ANXA8: variants seen among roughly 807,000 people sequenced by gnomAD.
ANXA8 encodes the protein VAC-beta.
In ANXA8, 9 loss-of-function variants were observed where a neutral mutation model predicts 26.8. The ratio of observed to expected loss-of-function variants is 0.34; its 90% CI spans 0.20 to 0.59. ANXA8 has a LOEUF of 0.59. ANXA8 is among the 20% of genes least tolerant of loss of function. ANXA8 has a pLI of 0.84. For synonymous variants in ANXA8, 39 were observed against 94.8 expected, an observed-to-expected ratio of 0.41 and a Z score of 3.42; for missense variants, 83 against 238.5, an observed-to-expected ratio of 0.35 and a Z score of 4.29.
chr10:47,744,444 G>T, the ANXA8 span, among the ~76,000 whole-genome samples: 2 of 102,536 alleles, frequency 2.0e-5, no homozygotes, highest in Admixed American at 2.0e-4. Flanking sequence ...GGGGAAGAGG[G>T]GGGGCCTTGC....
At chr10:47,651,297 A>AC in the ANXA8 span, among the ~76,000 whole-genome samples, 3 of 149,690 alleles carry the variant, frequency 2.0e-5, no homozygotes, top group Non-Finnish European at 4.4e-5. Flanking sequence ...AAAAAAAAAA[A>AC]CCCAAAAAAC....
the ANXA8 span, among the ~76,000 whole-genome samples, chr10:47,939,546 G>A: frequency 2.1e-4 from 30 of 144,190 alleles, 1 homozygote; most frequent in Admixed American, 1.6e-3. Flanking sequence ...ACTGTGCCCC[G>A]TTCCCAGACT....
At chr10:47,595,931 A>G in the ANXA8 span, among the ~76,000 whole-genome samples, 1 of 149,082 alleles carries the variant, frequency 6.7e-6, no homozygotes, top group Admixed American at 6.6e-5. Flanking sequence ...CATCTACAGA[A>G]CACTCTACCC....
the ANXA8 span, among the ~76,000 whole-genome samples, chr10:47,733,253 T>TTCTC: frequency 7.2e-4 from 73 of 102,036 alleles, no homozygotes; most frequent in Non-Finnish European, 9.1e-4. Context: ...CTTTCTTTCT[T>TTCTC]TCTTTCTTTC....
At chr10:47,907,121 C>T in the ANXA8 span, among the ~76,000 whole-genome samples, 3 of 151,720 alleles carry the variant, frequency 2.0e-5, no homozygotes, top group Non-Finnish European at 4.4e-5. Context: ...CTTTGGGAGG[C>T]GAGGTGGGCG....
the ANXA8 span, among the ~76,000 whole-genome samples, chr10:47,584,127 C>G: frequency 1.3e-5 from 2 of 148,750 alleles, 1 homozygote; most frequent in African/African-American, 5.2e-5. Flanking sequence ...TATAGTGAGC[C>G]GAGATCGCAC....
chr10:47,918,372 AG>A, the ANXA8 span, among the ~76,000 whole-genome samples: 89 of 20,112 alleles, frequency 4.4e-3, 1 homozygote, highest in African/African-American at 0.021. Flanking sequence ...AGAGAGAGAG[AG>A]AGAGAGAGAG....
chr10:47,577,090 G>C, the ANXA8 span, among the ~76,000 whole-genome samples: 1 of 148,536 alleles, frequency 6.7e-6, no homozygotes, highest in African/African-American at 2.5e-5. Context: ...TGCTGGGCAT[G>C]GTGGCATGTA....
upstream of ANXA8, among the ~76,000 whole-genome samples, chr10:47,486,490 C>G (rs1205041698): frequency 5.8e-3 from 809 of 138,368 alleles, 27 homozygotes; most frequent in African/African-American, 0.019. Flanking sequence ...CTTAGCATGA[C>G]AGAGAAGCAT....
the ANXA8 span, among the ~76,000 whole-genome samples, chr10:47,496,912 AG>A: frequency 7.5e-6 from 1 of 134,140 alleles, no homozygotes; most frequent in Non-Finnish European, 1.6e-5. Flanking sequence ...CATTTGGTTC[AG>A]GTTTCTGCTG....
the ANXA8 span, chr10:47,756,185 CTT>C: frequency 2.7e-4 from 104 of 381,668 alleles, no homozygotes; most frequent in Non-Finnish European, 4.1e-4. Context: ...ACTTGACAAA[CTT>C]GTTGTGGTTC....
At chr10:47,918,395 A>G in the ANXA8 span, among the ~76,000 whole-genome samples, 33 of 20,834 alleles carry the variant, frequency 1.6e-3, no homozygotes, top group African/African-American at 0.012. Context: ...GAAAGAAAGA[A>G]AGAAAGAAAG....
the ANXA8 span, among the ~76,000 whole-genome samples, chr10:47,678,864 G>T: frequency 7.1e-6 from 1 of 141,274 alleles, no homozygotes; most frequent in South Asian, 2.3e-4. Flanking sequence ...CCAACATGGT[G>T]AAATCTCTTC....
the ANXA8 span, among the ~76,000 whole-genome samples, chr10:47,675,477 C>T: frequency 6.6e-6 from 1 of 151,844 alleles, no homozygotes; most frequent in African/African-American, 2.4e-5. Context: ...AGGCTCAGAT[C>T]CCAGACCTGC....
At chr10:47,564,042 G>A in the ANXA8 span, among the ~76,000 whole-genome samples, 143 of 134,262 alleles carry the variant, frequency 1.1e-3, no homozygotes, top group African/African-American at 4.0e-3. Context: ...CCCAGCCCCC[G>A]CCCCAGCTGC....
the ANXA8 span, among the ~76,000 whole-genome samples, chr10:47,682,530 C>T: frequency 9.6e-5 from 14 of 146,458 alleles, no homozygotes; most frequent in Admixed American, 2.8e-4. Context: ...AGTACAGTGA[C>T]GCGATCTTGG....
At chr10:47,475,364 G>A (rs1442784061) in intron 6 of ANXA8, 129 bp downstream of exon 6, 1 of 1,601,056 alleles carries the variant, frequency 6.2e-7, no homozygotes, top group East Asian at 2.2e-5. Flanking sequence ...CACACCCAAT[G>A]AGCCCTGGCT....
chr10:47,685,338 A>C, the ANXA8 span, among the ~76,000 whole-genome samples: 465 of 148,292 alleles, frequency 3.1e-3, 3 homozygotes, highest in African/African-American at 0.011. Context: ...AAAAGCGAGA[A>C]TCTGTCTCAA....
chr10:47,652,623 G>T, the ANXA8 span, among the ~76,000 whole-genome samples: 2,736 of 146,852 alleles, frequency 0.019, no homozygotes, highest in Non-Finnish European at 0.027. Flanking sequence ...TATGGTATTT[G>T]CTTTGGAATT....
Sources: allele counts gnomAD v4.1 joint callset (sites outside exome capture counted in the v4.1 genomes callset), GRCh38; gene constraint gnomAD v4.1.1; transcripts MANE v1.5; gene names NCBI Gene and HGNC (gene_info 2026-07-23, HGNC 2026-07-21).